Variants in PDE3B observed in about 807,000 individuals in gnomAD.
The protein encoded by PDE3B is phosphodiesterase 3B, also known as cGMP-inhibited 3',5'-cyclic phosphodiesterase 3B.
A neutral mutation model predicts 116.8 loss-of-function variants in PDE3B; 66 were observed. The ratio of observed to expected loss-of-function variants is 0.56; its 90% confidence interval spans 0.46 to 0.69. The LOEUF (loss-of-function observed/expected upper bound fraction) is 0.69, where lower values mean the gene tolerates loss of function less well. Among genes scored for constraint, PDE3B ranks in the 30% least tolerant of loss-of-function variants. The pLI, the probability that PDE3B is intolerant of heterozygous loss-of-function variation, is 0.00. For synonymous variants in PDE3B, 595 were observed against 533.6 expected, an observed-to-expected ratio of 1.12 and a Z score of -1.59; for missense variants, 1,384 against 1,368.1, an observed-to-expected ratio of 1.01 and a Z score of -0.18.
chr11:14,705,049 A>C (rs1855488737), intron 1 of PDE3B, among the ~76,000 whole-genome samples: 1 of 151,802 alleles, frequency 6.6e-6, no homozygotes, highest in Non-Finnish European at 1.5e-5. Flanking sequence ...AATAGGCAGA[A>C]TATTTCAGCA....
At chr11:14,751,124 C>T (rs1007390084) in intron 1 of PDE3B, among the ~76,000 whole-genome samples, 1 of 152,144 alleles carries the variant, frequency 6.6e-6, no homozygotes, top group Non-Finnish European at 1.5e-5. Context: ...AAACATTGTG[C>T]ACCTGGTGAT....
intron 12 of PDE3B, among the ~76,000 whole-genome samples, chr11:14,857,605 G>A (rs552908602): frequency 2.4e-4 from 37 of 152,144 alleles, no homozygotes; most frequent in African/African-American, 8.4e-4. Flanking sequence ...TTCCAGTATG[G>A]TCATTATATC....
chr11:14,878,366 T>C, the PDE3B span: 1 of 1,406,692 alleles, frequency 7.1e-7, no homozygotes, highest in Non-Finnish European at 9.9e-7. Flanking sequence ...TGTCTAATAT[T>C]TGGATGTCAT....
chr11:14,666,637 A>G (rs1034741593), intron 1 of PDE3B, among the ~76,000 whole-genome samples: 1 of 151,828 alleles, frequency 6.6e-6, no homozygotes, highest in African/African-American at 2.4e-5. Context: ...ATGAACAGAC[A>G]CTTCTCAAAA....
At chr11:14,722,087 C>G (rs1279633765) in intron 1 of PDE3B, among the ~76,000 whole-genome samples, 2 of 150,018 alleles carry the variant, frequency 1.3e-5, no homozygotes, top group African/African-American at 2.5e-5. Context: ...CATGTTCTCA[C>G]TCATAGGTGG....
intron 1 of PDE3B, among the ~76,000 whole-genome samples, chr11:14,693,493 A>G (rs747796592): frequency 6.6e-6 from 1 of 152,210 alleles, no homozygotes; most frequent in Non-Finnish European, 1.5e-5. Context: ...AGTTGATGCC[A>G]GTGCTCATTT....
intron 7 of PDE3B, among the ~76,000 whole-genome samples, chr11:14,827,979 G>A (rs1013711880): frequency 6.6e-6 from 1 of 152,134 alleles, no homozygotes; most frequent in Non-Finnish European, 1.5e-5. Context: ...ATAGACCAAT[G>A]GGACAGAATA....
At chr11:14,702,318 C>A (rs920356218) in intron 1 of PDE3B, among the ~76,000 whole-genome samples, 5 of 151,782 alleles carry the variant, frequency 3.3e-5, no homozygotes, top group Admixed American at 1.3e-4. Context: ...TTATTGATGT[C>A]ATTCCTCCTA....
chr11:14,853,757 A>G lies in PDE3B; in HGVS notation c.2521-5286A>G, dbSNP rs370823394. Among the ~76,000 whole-genome samples the G allele has an allele frequency of 1.1e-4, 16 of 152,352 alleles. No individual in the cohort carries two copies. The East Asian group carries it at 2.1e-3, about 20-fold the overall frequency. ...CTTGCCACGAAAGAAGGTGATACAT[A>G]TAGTCAGGTATATCCTGGAGGAATG... is the stretch of plus-strand genomic sequence containing the variant. On this transcript the variant is annotated intron_variant, in intron 12 of 15. Coordinates refer to ENST00000282096, the MANE Select transcript of PDE3B (RefSeq NM_000922.4).
chr11:14,882,867 C>T, the PDE3B span, among the ~76,000 whole-genome samples: 15 of 152,310 alleles, frequency 9.8e-5, no homozygotes, highest in South Asian at 2.7e-3. Context: ...ACAAAAATCA[C>T]AAGCATTCTT....
rs573510047 is a variant in PDE3B at position 14,671,915 on chromosome 11, C to T, written c.978+26862C>T. Reference sequence around the variant, plus strand: ...TGGTAGTGTGTGCCTGTGTTCCTAGCTACTTAGGGGGCTGAGGTGGGAGGC... The same window carrying T: ...TGGTAGTGTGTGCCTGTGTTCCTAGTTACTTAGGGGGCTGAGGTGGGAGGC... On this transcript the variant is annotated intron_variant, in intron 1 of 15. Transcript: ENST00000282096. Among the ~76,000 whole-genome samples the T allele has an allele frequency of 3.3e-5, 5 of 150,992 alleles. No individual in the cohort carries two copies. The South Asian group carries it at 1.0e-3, about 32-fold the overall frequency.
In PDE3B at chr11:14,724,539, T is replaced by C. The variant is rs539388468; in HGVS notation, c.979-47398T>C. On this transcript the variant is annotated intron_variant, in intron 1 of 15. Transcript: ENST00000282096. The stretch of plus-strand genomic sequence containing the variant: ...TGCTCATTTGGAGCATTTCAGATTT[T>C]GGATATTTGGATTAGCGTTGCTCAG... Among the ~76,000 whole-genome samples, 3 of 152,288 alleles carry C rather than the reference T, an allele frequency of 2.0e-5. No homozygotes were observed. The East Asian group carries it at 5.8e-4, about 29-fold the overall frequency.
chr11:14,870,980 T>C lies in PDE3B; in HGVS notation c.*1320T>C, dbSNP rs1848131833. 1 of 152,186 alleles carries C rather than the reference T, an allele frequency of 6.6e-6. No homozygotes were observed. The highest frequency in any genetic ancestry group is 2.4e-5 in the African/African-American group (1 of 41,452). 9.4% of individuals were successfully genotyped at this position (152,186 alleles called of 1,614,324 possible). A position where few individuals can be genotyped will look rare whatever the true frequency, so the allele number is the denominator to read the frequency against. ...CCTACTTGTGAAATACATTTGAAGA[T>C]ATAAAGAGCAGCCAAAATGATGGCA... is the stretch of plus-strand genomic sequence containing the variant. On this transcript the variant is annotated 3_prime_UTR_variant, in exon 16 of 16. Transcript: ENST00000282096. The surrounding 1 kb of genome is among the most constrained non-coding windows in gnomAD (Gnocchi z 4.1).
chr11:14,716,283 T>G (rs1397262286), intron 1 of PDE3B, among the ~76,000 whole-genome samples: 1 of 152,068 alleles, frequency 6.6e-6, no homozygotes, highest in Non-Finnish European at 1.5e-5. Context: ...CCACGGAATC[T>G]CGCTGATTGC....
At position 14,830,857 on chromosome 11, in the gene PDE3B, A is replaced by T; in HGVS notation, c.1956+11A>T. The T allele has an allele frequency of 6.8e-7, 1 of 1,473,412 alleles. No homozygotes were observed. The highest frequency in any genetic ancestry group is 9.0e-7 in the Non-Finnish European group (1 of 1,112,000). 91.3% of individuals were successfully genotyped at this position (1,473,412 alleles called of 1,614,324 possible). A position where few individuals can be genotyped will look rare whatever the true frequency, so the allele number is the denominator to read the frequency against. ...GAACAGCAAACAAATGTAAAAGATAAACTTTCAATATGATTATGTTAAGGT... is the reference window on the plus strand; with the variant it reads ...GAACAGCAAACAAATGTAAAAGATATACTTTCAATATGATTATGTTAAGGT... On this transcript the variant is annotated intron_variant, in intron 8 of 15. Coordinates refer to ENST00000282096, the MANE Select transcript of PDE3B (RefSeq NM_000922.4).
chr11:14,792,146 A>G lies in PDE3B; in HGVS notation c.1415+2904A>G, dbSNP rs558889619. Among the ~76,000 whole-genome samples the G allele has an allele frequency of 5.9e-5, 9 of 152,226 alleles. No homozygotes were observed. The South Asian group carries it at 1.2e-3, about 21-fold the overall frequency. ...TTCCTAGTGTAGAATGTGAAACCCAATTATTACCTCATGACAGAGCTGCAG... is the reference window on the plus strand; with the variant it reads ...TTCCTAGTGTAGAATGTGAAACCCAGTTATTACCTCATGACAGAGCTGCAG... On this transcript the variant is annotated intron_variant, in intron 4 of 15. Transcript: ENST00000282096.
In PDE3B at chr11:14,778,371, A is replaced by G. The variant is rs146789957; in HGVS notation, c.1029+6384A>G. On this transcript the variant is annotated intron_variant, in intron 2 of 15. Coordinates refer to ENST00000282096, the MANE Select transcript of PDE3B (RefSeq NM_000922.4). ...TAAGAATGGACAGACTGCCTCCTCA[A>G]GAGGGTCCCTGACCCCCGAGTAGCC... Among the ~76,000 whole-genome samples, 1,330 of 152,342 alleles carry G rather than the reference A, an allele frequency of 8.7e-3. 17 individuals are homozygous for G. Among genetic ancestry groups the G allele is most frequent in the African/African-American group, 0.031 (1,282 of 41,582 alleles).
intron 14 of PDE3B, among the ~76,000 whole-genome samples, chr11:14,862,540 T>C (rs1555007360): frequency 6.6e-6 from 1 of 152,190 alleles, no homozygotes; most frequent in African/African-American, 2.4e-5. Context: ...ACTTAGTGGT[T>C]CTCAAGGATT....
intron 1 of PDE3B, among the ~76,000 whole-genome samples, chr11:14,706,832 A>G (rs891246462): frequency 1.3e-5 from 2 of 152,010 alleles, no homozygotes; most frequent in Non-Finnish European, 2.9e-5. Context: ...CTTTGAAGAC[A>G]TAACTGCAGT....
Sources: gnomAD v4.1 joint callset for allele counts (sites outside exome capture counted in the v4.1 genomes callset) on GRCh38, gnomAD v4.1.1 for gene constraint, Gnocchi (gnomAD v3.1) non-coding constraint, MANE v1.5 for transcripts, NCBI Gene and HGNC (gene_info 2026-07-23, HGNC 2026-07-21) for gene names.